Variants in ESRRG observed in about 807,000 individuals in gnomAD.
ESRRG encodes the protein estrogen-related receptor gamma.
A neutral mutation model predicts 44.0 loss-of-function variants in ESRRG; 13 were observed. The ratio of observed to expected loss-of-function variants is 0.30; its 90% confidence interval spans 0.19 to 0.47. ESRRG has a LOEUF of 0.47. Ranked by LOEUF, ESRRG falls within the 20% of genes least tolerant of loss-of-function variation. The pLI, the probability that ESRRG is intolerant of heterozygous loss-of-function variation, is 1.00. For synonymous variants in ESRRG, 215 were observed against 214.6 expected (o/e 1.00, Z -0.02); for missense variants, 395 against 580.6 (o/e 0.68, Z 3.29).
At chr1:216,595,341 A>G (rs1379364718) in intron 3 of ESRRG, among the ~76,000 whole-genome samples, 1 of 152,216 alleles carries the variant, frequency 6.6e-6, no homozygotes, top group Non-Finnish European at 1.5e-5. Flanking sequence ...GGCATGATAC[A>G]TATAGAAGTA....
intron 2 of ESRRG, among the ~76,000 whole-genome samples, chr1:216,772,199 T>C (rs948103256): frequency 2.6e-5 from 4 of 152,118 alleles, no homozygotes. Context: ...CAGCTACACG[T>C]TGTTCACACC....
intron 1 of ESRRG, among the ~76,000 whole-genome samples, chr1:217,048,628 T>A (rs17636912): frequency 0.28 from 42,546 of 151,976 alleles, 7,282 homozygotes; most frequent in Non-Finnish European, 0.4. Flanking sequence ...GGTAGATAAC[T>A]CTTGACTCAG....
chr1:216,824,944 TG>T (rs1402871332), intron 2 of ESRRG, among the ~76,000 whole-genome samples: 2 of 152,228 alleles, frequency 1.3e-5, no homozygotes, highest in Non-Finnish European at 2.9e-5. Context: ...TCTGTCTGCA[TG>T]TAGTCTTGCT....
At chr1:216,853,608 G>C (rs1272085503) in intron 2 of ESRRG, among the ~76,000 whole-genome samples, 3 of 151,972 alleles carry the variant, frequency 2.0e-5, no homozygotes, top group Non-Finnish European at 4.4e-5. Flanking sequence ...TAAGACCCCT[G>C]TCTCCCACAC....
chr1:217,111,230 G>C (rs537472894), intron 1 of ESRRG, among the ~76,000 whole-genome samples: 1 of 152,234 alleles, frequency 6.6e-6, no homozygotes, highest in South Asian at 2.1e-4. Flanking sequence ...TAACTTTGGA[G>C]CCAGTAAGTC....
At chr1:216,760,112 G>T (rs2092689142) in intron 2 of ESRRG, among the ~76,000 whole-genome samples, 1 of 151,998 alleles carries the variant, frequency 6.6e-6, no homozygotes. Context: ...GAGGGATAGG[G>T]ACTGGTCTGT....
intron 2 of ESRRG, among the ~76,000 whole-genome samples, chr1:216,787,152 G>A (rs2094153880): frequency 6.6e-6 from 1 of 151,884 alleles, no homozygotes; most frequent in Non-Finnish European, 1.5e-5. Flanking sequence ...AATTGTTTTG[G>A]GGCACCACGA....
intron 1 of ESRRG, among the ~76,000 whole-genome samples, chr1:216,962,857 T>G (rs1578744347): frequency 6.6e-6 from 1 of 152,128 alleles, no homozygotes; most frequent in South Asian, 2.1e-4. Flanking sequence ...AGAACGTATA[T>G]ACAATTAATA....
chr1:216,987,155 G>A (rs2075007241), intron 1 of ESRRG, among the ~76,000 whole-genome samples: 1 of 152,152 alleles, frequency 6.6e-6, no homozygotes, highest in South Asian at 2.1e-4. Flanking sequence ...ATATTTGTAA[G>A]CTTTGTTACA....
intron 5 of ESRRG, among the ~76,000 whole-genome samples, chr1:216,529,892 A>T (rs532958810): frequency 3.3e-5 from 5 of 151,886 alleles, no homozygotes; most frequent in Non-Finnish European, 7.4e-5. Context: ...TGAGTGGATC[A>T]CTTGAGGTCA....
intron 2 of ESRRG, among the ~76,000 whole-genome samples, chr1:216,826,441 T>C (rs2095397580): frequency 6.6e-6 from 1 of 152,176 alleles, no homozygotes; most frequent in Non-Finnish European, 1.5e-5. Context: ...ATCAGCACAG[T>C]TTACAACCCA....
intron 2 of ESRRG, among the ~76,000 whole-genome samples, chr1:216,835,744 A>G (rs1185229372): frequency 1.3e-5 from 2 of 152,194 alleles, no homozygotes; most frequent in Non-Finnish European, 2.9e-5. Flanking sequence ...CCAGTCTCTT[A>G]AAAGAATTAC....
At chr1:216,882,292 T>C (rs1401294505) in intron 2 of ESRRG, among the ~76,000 whole-genome samples, 1 of 152,200 alleles carries the variant, frequency 6.6e-6, no homozygotes, top group African/African-American at 2.4e-5. Context: ...CTTTGTCAGC[T>C]ACCAGAGTAT....
intron 2 of ESRRG, among the ~76,000 whole-genome samples, chr1:216,852,232 T>C (rs916503740): frequency 3.9e-5 from 6 of 152,208 alleles, no homozygotes; most frequent in African/African-American, 1.2e-4. Context: ...GTGATAAAGG[T>C]TGGCTTCTTC....
Position 216,723,331 on chromosome 1 carries a change from A to C in ESRRG, c.-32T>G. On this transcript the variant is annotated 5_prime_UTR_variant, in exon 1 of 7. Coordinates refer to ENST00000408911, the MANE Select transcript of ESRRG (RefSeq NM_001438.4). ...CCGGCAACCATTATTTGTGCACCCC[A>C]GCTATAAATCAAAGTTTCCTTGACA... 6.2e-7 allele frequency: 1 copy of C among 1,610,384 alleles called. No individual in the cohort carries two copies. The highest frequency in any genetic ancestry group is 1.3e-5 in the African/African-American group (1 of 74,952).
chr1:216,618,536 C>T (rs999188264), intron 3 of ESRRG, among the ~76,000 whole-genome samples: 3 of 152,118 alleles, frequency 2.0e-5, no homozygotes, highest in African/African-American at 7.2e-5. Context: ...ATGTATATAA[C>T]GATTCAGACA....
At chr1:217,055,873 C>A (rs1463798953) in intron 1 of ESRRG, among the ~76,000 whole-genome samples, 2 of 152,168 alleles carry the variant, frequency 1.3e-5, no homozygotes, top group Non-Finnish European at 2.9e-5. Context: ...CTGCAATGCC[C>A]TCTCTTTTCT....
At chr1:216,508,721 A>G (rs1034298829) in intron 6 of ESRRG, among the ~76,000 whole-genome samples, 3 of 152,194 alleles carry the variant, frequency 2.0e-5, no homozygotes, top group African/African-American at 7.2e-5. Flanking sequence ...GGACAGAAAA[A>G]CATTCATAGA....
At chr1:216,874,828 T>C (rs1170174468) in intron 2 of ESRRG, among the ~76,000 whole-genome samples, 2 of 152,174 alleles carry the variant, frequency 1.3e-5, no homozygotes. Flanking sequence ...CAGGAGAAGA[T>C]GGAAGAGCAG....
Sources: gnomAD v4.1 joint callset for allele counts (sites outside exome capture counted in the v4.1 genomes callset) on GRCh38, gnomAD v4.1.1 for gene constraint, MANE v1.5 for transcripts, NCBI Gene and HGNC (gene_info 2026-07-23, HGNC 2026-07-21) for gene names.